Variants in CAPZB observed in about 807,000 individuals in gnomAD.
CAPZB encodes the protein F-actin-capping protein subunit beta.
A neutral mutation model predicts 38.1 loss-of-function variants in CAPZB; 2 were observed. The observed-to-expected ratio is 0.05, with a 90% confidence interval of 0.02 to 0.17. The LOEUF (loss-of-function observed/expected upper bound fraction) is 0.17, where lower values mean the gene tolerates loss of function less well. CAPZB is among the 10% of genes least tolerant of loss of function. CAPZB has a pLI of 1.00. For missense variants in CAPZB, 161 were observed against 334.2 expected, an observed-to-expected ratio of 0.48 and a Z score of 4.04; for synonymous variants, 107 against 127.4, an observed-to-expected ratio of 0.84 and a Z score of 1.08.
chr1:19,399,670 G>A (rs1469702282), intron 2 of CAPZB, among the ~76,000 whole-genome samples: 1 of 152,158 alleles, frequency 6.6e-6, no homozygotes, highest in Non-Finnish European at 1.5e-5. Context: ...AGCTCAGGGT[G>A]TCAAGAGTGG....
chr1:19,372,180 C>T (rs1002665846), intron 4 of CAPZB, among the ~76,000 whole-genome samples: 1 of 152,260 alleles, frequency 6.6e-6, no homozygotes, highest in East Asian at 1.9e-4. Context: ...TCCCACCCTG[C>T]TCCTCCACTC....
intron 1 of CAPZB, among the ~76,000 whole-genome samples, chr1:19,443,612 T>A (rs1238348478): frequency 6.7e-6 from 1 of 149,444 alleles, no homozygotes; most frequent in East Asian, 1.9e-4. Context: ...TAAGTTATTG[T>A]TGTTGTTGTT....
intron 1 of CAPZB, among the ~76,000 whole-genome samples, chr1:19,431,427 C>T (rs142957412): frequency 0.017 from 2,519 of 152,238 alleles, 51 homozygotes; most frequent in African/African-American, 0.049. Flanking sequence ...GGGCCGGGCA[C>T]GGTGGCTCAT....
chr1:19,383,679 C>T (rs770441527), intron 3 of CAPZB, among the ~76,000 whole-genome samples: 3 of 152,138 alleles, frequency 2.0e-5, no homozygotes, highest in African/African-American at 4.8e-5. Context: ...GGGACATCTG[C>T]AGCCACATCC....
chr1:19,403,214 T>A (rs1271948362), intron 2 of CAPZB, among the ~76,000 whole-genome samples: 1 of 152,172 alleles, frequency 6.6e-6, no homozygotes, highest in Non-Finnish European at 1.5e-5. Flanking sequence ...CAAGTAGGCA[T>A]GCACTCACTG....
At chr1:19,484,125 C>T (rs2094641239) in intron 1 of CAPZB, 1 of 1,541,498 alleles carries the variant, frequency 6.5e-7, no homozygotes, top group Non-Finnish European at 8.8e-7. Flanking sequence ...TGGATAGCAT[C>T]TGCCTTCTTT....
intron 1 of CAPZB, among the ~76,000 whole-genome samples, chr1:19,442,193 C>A (rs2094479716): frequency 6.6e-6 from 1 of 152,056 alleles, no homozygotes; most frequent in Non-Finnish European, 1.5e-5. Context: ...AATTTTTTAA[C>A]TGACAATTTT....
chr1:19,451,097 C>A (rs911156425), intron 1 of CAPZB, among the ~76,000 whole-genome samples: 1 of 152,188 alleles, frequency 6.6e-6, no homozygotes, highest in Non-Finnish European at 1.5e-5. Context: ...AACTGATATG[C>A]GCCAAATCAG....
intron 2 of CAPZB, among the ~76,000 whole-genome samples, chr1:19,403,689 C>T (rs1046614369): frequency 7.2e-5 from 11 of 152,236 alleles, no homozygotes; most frequent in African/African-American, 2.7e-4. Flanking sequence ...GCTATTATAA[C>T]ACTCCAGTAA....
chr1:19,374,396 G>C (rs1379792630), intron 4 of CAPZB: 2 of 152,264 alleles, frequency 1.3e-5, no homozygotes, highest in Admixed American at 1.3e-4. Flanking sequence ...CATGAGGCTG[G>C]AGCTCAAGCC....
intron 1 of CAPZB, among the ~76,000 whole-genome samples, chr1:19,451,553 TC>T (rs548539392): frequency 3.0e-4 from 45 of 152,134 alleles, no homozygotes; most frequent in African/African-American, 1.1e-3. Flanking sequence ...CTACCGAGTG[TC>T]CCACCTTAGT....
intron 6 of CAPZB, among the ~76,000 whole-genome samples, chr1:19,345,905 T>C (rs944151256): frequency 2.6e-5 from 4 of 152,130 alleles, no homozygotes; most frequent in Non-Finnish European, 4.4e-5. Context: ...AGAGTCTCAA[T>C]ATAGACTCTG....
chr1:19,467,181 G>A lies in CAPZB; in HGVS notation c.3+18255C>T, dbSNP rs12024323. ...GAGATCCACCATGCCTGGCAACTAC[G>A]GGCACTGTGCCCAGCCCTCAAGCCA... is the stretch of plus-strand genomic sequence containing the variant. On this transcript the variant is annotated intron_variant, in intron 1 of 8. Transcript: ENST00000264202. Among the ~76,000 whole-genome samples the A allele has an allele frequency of 0.011, 1,662 of 152,158 alleles. 77 individuals carry two copies. The East Asian group carries it at 0.14, about 13-fold the overall frequency.
intron 1 of CAPZB, among the ~76,000 whole-genome samples, chr1:19,463,415 T>C (rs926102264): frequency 6.6e-6 from 1 of 152,186 alleles, no homozygotes; most frequent in Non-Finnish European, 1.5e-5. Flanking sequence ...AAAACACCTG[T>C]GGTTTTGCAA....
At chr1:19,394,597 T>C (rs2094255868) in intron 2 of CAPZB, among the ~76,000 whole-genome samples, 1 of 152,162 alleles carries the variant, frequency 6.6e-6, no homozygotes, top group South Asian at 2.1e-4. Flanking sequence ...GGCGCAGGCC[T>C]GTAATCAGCT....
At chr1:19,406,790 C>T (rs2094334619) in intron 2 of CAPZB, among the ~76,000 whole-genome samples, 1 of 152,146 alleles carries the variant, frequency 6.6e-6, no homozygotes, top group African/African-American at 2.4e-5. Context: ...CTCTTAAAAC[C>T]CGGGAGAACA....
At chr1:19,469,690 C>G (rs920428895) in intron 1 of CAPZB, among the ~76,000 whole-genome samples, 1 of 151,338 alleles carries the variant, frequency 6.6e-6, no homozygotes, top group Non-Finnish European at 1.5e-5. Flanking sequence ...TACACTCTCC[C>G]TCCTGGGGAC....
chr1:19,369,964 A>G (rs75876484), intron 4 of CAPZB, among the ~76,000 whole-genome samples: 1,818 of 152,282 alleles, frequency 0.012, 33 homozygotes, highest in African/African-American at 0.041. Flanking sequence ...ACTCTAGCTG[A>G]GCTGTCAGGC....
chr1:19,485,311 G>A, intron 1 of CAPZB, 125 bp downstream of exon 1: 1 of 620,360 alleles, frequency 1.6e-6, no homozygotes, highest in Non-Finnish European at 2.3e-6. Flanking sequence ...TCCACCCAGG[G>A]TCCGGGACCC....
Sources: gnomAD v4.1 joint callset for allele counts (sites outside exome capture counted in the v4.1 genomes callset) on GRCh38, gnomAD v4.1.1 for gene constraint, MANE v1.5 for transcripts, NCBI Gene and HGNC (gene_info 2026-07-23, HGNC 2026-07-21) for gene names.